The following USO1 variants were observed in gnomAD, a reference collection of about 807,000 sequenced individuals.
The protein encoded by USO1 is USO1 vesicle transport factor.
A neutral mutation model predicts 124.5 loss-of-function variants in USO1; 57 were observed. That is an observed-to-expected ratio of 0.46 (90% CI 0.37 to 0.57). The LOEUF (loss-of-function observed/expected upper bound fraction) is 0.57, where lower values mean the gene tolerates loss of function less well. Among genes scored for constraint, USO1 ranks in the 20% least tolerant of loss-of-function variants. The probability of loss-of-function intolerance (pLI) is 0.00; values close to 1 mark genes in which losing one functional copy is unlikely to be tolerated. For synonymous variants in USO1, 369 were observed against 362.8 expected (o/e 1.02, Z -0.19); for missense variants, 900 against 1,040.6 (o/e 0.86, Z 1.86).
intron 7 of USO1, 31 bp downstream of exon 7, chr4:75,771,168 A>C (rs1173490744): frequency 2.5e-6 from 4 of 1,574,110 alleles, no homozygotes; most frequent in South Asian, 1.2e-5. Context: ...AAATACAAAA[A>C]TATGTGGCTT....
chr4:75,810,724 G>T (rs1267385099), intron 22 of USO1, among the ~76,000 whole-genome samples, 185 bp downstream of exon 22: 1 of 151,784 alleles, frequency 6.6e-6, no homozygotes, highest in Non-Finnish European at 1.5e-5. Context: ...TTTGTTTTGG[G>T]TTTTTTTGTT....
intron 3 of USO1, 76 bp from the exon 4 acceptor site, chr4:75,757,421 C>A: frequency 7.7e-7 from 1 of 1,298,554 alleles, no homozygotes; most frequent in Non-Finnish European, 1.0e-6. Flanking sequence ...TCTAAAATTG[C>A]TAAATAACTA....
chr4:75,799,952 T>C (rs530867520), intron 14 of USO1, among the ~76,000 whole-genome samples: 18 of 151,968 alleles, frequency 1.2e-4, no homozygotes, highest in Non-Finnish European at 1.5e-5. Flanking sequence ...AATTTCTTTT[T>C]TTTTTTTTTG....
chr4:75,755,045 G>T (rs1401545815), intron 3 of USO1, among the ~76,000 whole-genome samples: 2 of 152,128 alleles, frequency 1.3e-5, no homozygotes, highest in Non-Finnish European at 2.9e-5. Flanking sequence ...ATTGCTATTG[G>T]CAAGAGGCCT....
At chr4:75,806,709 C>A in intron 20 of USO1, 137 bp downstream of exon 20, 1 of 1,174,478 alleles carries the variant, frequency 8.5e-7, no homozygotes, top group Non-Finnish European at 1.2e-6. Context: ...TTTGAAAATC[C>A]AGAAGCTGTT....
intron 13 of USO1, among the ~76,000 whole-genome samples, chr4:75,796,252 T>A (rs1274291446): frequency 1.3e-5 from 2 of 152,100 alleles, no homozygotes; most frequent in African/African-American, 4.8e-5. Context: ...TTTCATGTGA[T>A]GATTTTTGGT....
In USO1 at chr4:75,752,409, T is replaced by G; in HGVS notation, c.103T>G (p.Leu35Val). The G allele has an allele frequency of 2.5e-6, 1 of 398,456 alleles. No individual in the cohort carries two copies. The highest frequency in any genetic ancestry group is 4.4e-6 in the Non-Finnish European group (1 of 225,990). 24.7% of individuals were successfully genotyped at this position (398,456 alleles called of 1,614,324 possible). The change falls in exon 2 of 24, where the codon TTA becomes GTA. Residue 35 changes from leucine to valine, a missense_variant. This residue lies in a region of USO1 where 538 missense variants were observed against 681.6 expected (regional missense o/e 0.79). Coordinates refer to ENST00000514213, the MANE Select transcript of USO1 (RefSeq NM_003715.4). ...TTGTGACAGAGTAGCTTCATCTACT[T>G]TATTGGATGATCGAAGAAATGCTGT... ...KLCDRVASSTLLDDRRNAVRA... is the reference protein window; with the variant it reads ...KLCDRVASSTVLDDRRNAVRA...
At chr4:75,740,099 A>C (rs902880459) in intron 1 of USO1, among the ~76,000 whole-genome samples, 12 of 152,176 alleles carry the variant, frequency 7.9e-5, no homozygotes, top group African/African-American at 7.2e-5. Flanking sequence ...TTTGGAAGAC[A>C]GAGGCAGGAG....
At chr4:75,802,483 C>T (rs1722877719) in intron 17 of USO1, among the ~76,000 whole-genome samples, 1 of 152,092 alleles carries the variant, frequency 6.6e-6, no homozygotes, top group Non-Finnish European at 1.5e-5. Context: ...AATATTCTTA[C>T]CATTTAAAAT....
At chr4:75,804,452 C>T (rs966259376) in intron 18 of USO1, among the ~76,000 whole-genome samples, 180 bp downstream of exon 18, 1 of 152,080 alleles carries the variant, frequency 6.6e-6, no homozygotes, top group Non-Finnish European at 1.5e-5. Context: ...AAGACTGGAC[C>T]TTTAGAGATT....
At chr4:75,769,017 A>G (rs538538288) in intron 4 of USO1, among the ~76,000 whole-genome samples, 17 of 152,210 alleles carry the variant, frequency 1.1e-4, no homozygotes, top group Non-Finnish European at 1.9e-4. Flanking sequence ...AGTAAATGGC[A>G]ACCCTATCCT....
intron 7 of USO1, among the ~76,000 whole-genome samples, chr4:75,772,713 T>G (rs1433628413): frequency 6.6e-6 from 1 of 152,188 alleles, no homozygotes; most frequent in Admixed American, 6.5e-5. Flanking sequence ...TAAGAGGATA[T>G]CATGCAAATC....
chr4:75,733,252 C>A (rs1720690709), intron 1 of USO1, among the ~76,000 whole-genome samples: 1 of 151,744 alleles, frequency 6.6e-6, no homozygotes, highest in Non-Finnish European at 1.5e-5. Flanking sequence ...CAGTGAGACT[C>A]TGTCTCAAAA....
chr4:75,748,377 C>T (rs1326352834), intron 1 of USO1, among the ~76,000 whole-genome samples: 4 of 151,376 alleles, frequency 2.6e-5, no homozygotes, highest in African/African-American at 7.3e-5. Flanking sequence ...TTAGTAGGGA[C>T]GGGGTTTTGC....
In USO1 at chr4:75,788,162, TA is replaced by T. The variant is rs1488865192; in HGVS notation, c.996+961del. 4.4e-4 allele frequency among the ~76,000 whole-genome samples: 42 copies of T among 94,574 alleles called. 1 individual carries two copies. Among genetic ancestry groups the T allele is most frequent in the African/African-American group, 1.2e-3 (40 of 32,672 alleles). The allele number at this position is 94,574 out of a possible 152,430, so 62.0% of individuals were successfully genotyped here. A position where few individuals can be genotyped will look rare whatever the true frequency, so the allele number is the denominator to read the frequency against. On this transcript the variant is annotated intron_variant, in intron 10 of 23. Coordinates refer to ENST00000514213, the MANE Select transcript of USO1 (RefSeq NM_003715.4). ...TCTGGATCCTATATCTTTATTTATTTATTTATTTATTTTTTTTTTTTTTTGT... is the reference window on the plus strand; with the variant it reads ...TCTGGATCCTATATCTTTATTTATTTTTTATTTATTTTTTTTTTTTTTTGT...
intron 1 of USO1, among the ~76,000 whole-genome samples, chr4:75,731,078 T>C (rs1720618163): frequency 6.6e-6 from 1 of 152,210 alleles, no homozygotes; most frequent in African/African-American, 2.4e-5. Context: ...TGAAGCAGTA[T>C]ATTACTTGGC....
Position 75,763,826 on chromosome 4 carries a change from CGTATAATTG to C in USO1, c.295+6262_295+6270del, listed in dbSNP as rs1265860918. 1.4e-4 allele frequency among the ~76,000 whole-genome samples: 22 copies of C among 152,156 alleles called. 1 individual carries two copies. The East Asian group carries it at 4.1e-3, about 28-fold the overall frequency. On this transcript the variant is annotated intron_variant, in intron 4 of 23. Transcript: ENST00000514213. ...TACTTGTTTCATGCCTTTGCTTACA[CGTATAATTG>C]GTATAATTTCTCATGGTTCTAGTTT...
intron 1 of USO1, among the ~76,000 whole-genome samples, chr4:75,748,259 G>A (rs1424092009): frequency 1.5e-5 from 2 of 136,722 alleles, no homozygotes; most frequent in African/African-American, 5.4e-5. Context: ...TGTCACTTTG[G>A]CTCACTGCAA....
At position 75,724,816 on chromosome 4, in the gene USO1, C is replaced by T. The variant is rs1349653568; in HGVS notation, c.-4C>T. On this transcript the variant is annotated 5_prime_UTR_variant, in exon 1 of 24. Coordinates refer to ENST00000514213, the MANE Select transcript of USO1 (RefSeq NM_003715.4). ...GCCGGTAAACCTGGTGGCTGAACGG[C>T]AAGATGAATTTCCTCCGCGGGGTAA... 1 of 1,613,678 alleles carries T rather than the reference C, an allele frequency of 6.2e-7. No homozygotes were observed. Among genetic ancestry groups the T allele is most frequent in the East Asian group, 2.2e-5 (1 of 44,884 alleles).
Sources: allele counts gnomAD v4.1 joint callset (sites outside exome capture counted in the v4.1 genomes callset), GRCh38; gene constraint gnomAD v4.1.1; regional missense constraint gnomAD v4.1.1; transcripts MANE v1.5; gene names NCBI Gene and HGNC (gene_info 2026-07-23, HGNC 2026-07-21).